The following ZBTB8OS variants were observed in gnomAD, a reference collection of about 807,000 sequenced individuals.
ZBTB8OS encodes the protein tRNA-splicing ligase-activating factor archease.
Under a neutral mutation model 29.3 loss-of-function variants are expected in ZBTB8OS, and 16 were observed. The ratio of observed to expected loss-of-function variants is 0.55; its 90% confidence interval spans 0.37 to 0.83. The LOEUF is 0.83. Among genes scored for constraint, ZBTB8OS ranks in the 40% least tolerant of loss-of-function variants. ZBTB8OS has a pLI of 0.00. For synonymous variants in ZBTB8OS, 70 were observed against 64.6 expected, an observed-to-expected ratio of 1.08 and a Z score of -0.40; for missense variants, 160 against 196.9, an observed-to-expected ratio of 0.81 and a Z score of 1.12.
rs753670835 is a variant in ZBTB8OS, at chr1:32,621,828, A to C, written c.*34T>G. The C allele has an allele frequency of 4.9e-6, 7 of 1,424,472 alleles. No homozygotes were observed. Among genetic ancestry groups the C allele is most frequent in the Non-Finnish European group, 5.8e-6 (6 of 1,035,248 alleles). 88.2% of individuals were successfully genotyped at this position (1,424,472 alleles called of 1,614,324 possible). A position where few individuals can be genotyped will look rare whatever the true frequency, so the allele number is the denominator to read the frequency against. On this transcript the variant is annotated 3_prime_UTR_variant, in exon 7 of 7. Coordinates refer to ENST00000468695, the MANE Select transcript of ZBTB8OS (RefSeq NM_178547.5). ...TCAAAAGGAAGAGGAAAACAAAAACAGTTCTTCGTAGGAGTCTTTTATTTT... is the reference window on the plus strand; with the variant it reads ...TCAAAAGGAAGAGGAAAACAAAAACCGTTCTTCGTAGGAGTCTTTTATTTT...
chr1:32,626,196 CCTTT>C (rs1557749672), intron 6 of ZBTB8OS, among the ~76,000 whole-genome samples: 1 of 152,034 alleles, frequency 6.6e-6, no homozygotes, highest in Non-Finnish European at 1.5e-5. Context: ...TTTTACTATA[CCTTT>C]TTTTGGTATT....
At chr1:32,632,837 G>A (rs1645677736) in intron 4 of ZBTB8OS, among the ~76,000 whole-genome samples, 1 of 152,078 alleles carries the variant, frequency 6.6e-6, no homozygotes, top group South Asian at 2.1e-4. Flanking sequence ...GTTTAACGCT[G>A]GGGGAAAACA....
chr1:32,650,579 G>T (rs774120747), upstream of ZBTB8OS: 1 of 1,613,638 alleles, frequency 6.2e-7, no homozygotes, highest in Non-Finnish European at 8.5e-7. Flanking sequence ...CCGGACTTCG[G>T]CCCGGAGTTA....
chr1:32,622,397 AAAG>A (rs1644818330), intron 6 of ZBTB8OS, among the ~76,000 whole-genome samples: 1 of 152,248 alleles, frequency 6.6e-6, no homozygotes, highest in Non-Finnish European at 1.5e-5. Context: ...CAGCCATAAA[AAAG>A]AATGAGATCA....
chr1:32,648,205 G>C (rs1647001746), intron 1 of ZBTB8OS, among the ~76,000 whole-genome samples: 1 of 152,178 alleles, frequency 6.6e-6, no homozygotes, highest in South Asian at 2.1e-4. Flanking sequence ...AAAAAGTATG[G>C]TAACAATTAG....
intron 3 of ZBTB8OS, 90 bp downstream of exon 3, chr1:32,633,861 T>C: frequency 2.0e-6 from 3 of 1,508,250 alleles, no homozygotes; most frequent in South Asian, 2.7e-5. Flanking sequence ...TCTGGTTCTT[T>C]TTGTGAAAAT....
intron 1 of ZBTB8OS, among the ~76,000 whole-genome samples, chr1:32,641,954 T>A (rs1646443376): frequency 6.6e-6 from 1 of 151,828 alleles, no homozygotes; most frequent in Non-Finnish European, 1.5e-5. Context: ...ACAAAACCTT[T>A]GTACATACTT....
intron 1 of ZBTB8OS, among the ~76,000 whole-genome samples, chr1:32,646,918 T>A (rs190817270): frequency 1.4e-4 from 21 of 149,544 alleles, no homozygotes. Flanking sequence ...GGTGGGCACC[T>A]GTAATCCCAG....
chr1:32,642,245 T>A (rs1324199099), intron 1 of ZBTB8OS, among the ~76,000 whole-genome samples: 1 of 152,192 alleles, frequency 6.6e-6, no homozygotes, highest in African/African-American at 2.4e-5. Flanking sequence ...GGTTCATACC[T>A]GTAATCCCAG....
At chr1:32,637,329 C>T (rs888089319) in intron 1 of ZBTB8OS, among the ~76,000 whole-genome samples, 4 of 151,854 alleles carry the variant, frequency 2.6e-5, no homozygotes, top group African/African-American at 9.7e-5. Flanking sequence ...TTGGGGAGGC[C>T]GAGGTGGGTG....
chr1:32,645,717 A>G (rs967242017), intron 1 of ZBTB8OS, among the ~76,000 whole-genome samples: 8 of 152,062 alleles, frequency 5.3e-5, no homozygotes, highest in African/African-American at 1.7e-4. Flanking sequence ...CCGAGTCTCA[A>G]ACTCCTGGGT....
chr1:32,631,849 T>G lies in ZBTB8OS; in HGVS notation c.358A>C (p.Asn120His), dbSNP rs1321545285. 1.9e-6 allele frequency: 3 copies of G among 1,597,506 alleles called. No individual in the cohort carries two copies. Among genetic ancestry groups the G allele is most frequent in the East Asian group, 4.5e-5 (2 of 44,352 alleles). ...TACCCAATTGATCGTAATTTGAAAT[T>G]TCTTTGATCAATGCTAAGTACTTTC... Reference protein sequence around the residue: ...EVKVLSIDQRNFKLRSIGWGE... With the variant: ...EVKVLSIDQRHFKLRSIGWGE... Residue 120 changes from asparagine (N) to histidine (H), a missense_variant, in exon 5 of 7, where the codon AAT becomes CAT. Asn to His is a moderately conservative substitution (Grantham distance 68). Coordinates refer to ENST00000468695, the MANE Select transcript of ZBTB8OS (RefSeq NM_178547.5).
upstream of ZBTB8OS, chr1:32,650,681 A>C (rs1187795526): frequency 1.6e-4 from 225 of 1,380,308 alleles, no homozygotes; most frequent in Middle Eastern, 1.9e-4. Flanking sequence ...TTTAGTCCCT[A>C]CCCTGCCGCT....
At chr1:32,640,739 G>A (rs1265368512) in intron 1 of ZBTB8OS, among the ~76,000 whole-genome samples, 1 of 151,348 alleles carries the variant, frequency 6.6e-6, no homozygotes. Context: ...GAACTTATGG[G>A]CTCAAGCCAT....
intron 1 of ZBTB8OS, among the ~76,000 whole-genome samples, chr1:32,647,237 G>A (rs1404530628): frequency 3.0e-5 from 4 of 131,476 alleles, no homozygotes; most frequent in Admixed American, 8.4e-5. Context: ...GCACGGTGGT[G>A]CATACCTGTA....
intron 1 of ZBTB8OS, among the ~76,000 whole-genome samples, chr1:32,638,202 G>A (rs1266073725): frequency 6.9e-6 from 1 of 144,344 alleles, no homozygotes; most frequent in Non-Finnish European, 1.5e-5. Flanking sequence ...TAGGGCAGTG[G>A]TTCTCAAATT....
At chr1:32,624,235 C>A (rs1475903866) in intron 6 of ZBTB8OS, among the ~76,000 whole-genome samples, 2 of 152,132 alleles carry the variant, frequency 1.3e-5, no homozygotes, top group African/African-American at 4.8e-5. Flanking sequence ...TTTCTGACTA[C>A]CCCCTCCCCT....
intron 4 of ZBTB8OS, chr1:32,632,132 T>C: frequency 4.9e-6 from 1 of 204,658 alleles, no homozygotes; most frequent in Non-Finnish European, 9.6e-6. Flanking sequence ...CTGCTGAGCA[T>C]CTGGGACTAC....
At chr1:32,634,290 G>A (rs981840914) in intron 2 of ZBTB8OS, 7 of 350,970 alleles carry the variant, frequency 2.0e-5, no homozygotes, top group Admixed American at 4.4e-5. Flanking sequence ...GCAGTAGTGC[G>A]ATCTCGGGTC....
Sources: allele counts gnomAD v4.1 joint callset (sites outside exome capture counted in the v4.1 genomes callset), GRCh38; gene constraint gnomAD v4.1.1; transcripts MANE v1.5; gene names NCBI Gene and HGNC (gene_info 2026-07-23, HGNC 2026-07-21).